DCHS2: variants seen among roughly 807,000 people sequenced by gnomAD.
The protein encoded by DCHS2 is dachsous cadherin-related 2.
DCHS2 carries 142 observed loss-of-function variants against 182.4 expected under a neutral mutation model. The observed-to-expected ratio is 0.78, with a 90% CI of 0.68 to 0.89. The LOEUF (loss-of-function observed/expected upper bound fraction) is 0.89. Ranked by LOEUF, DCHS2 falls within the 40% of genes least tolerant of loss-of-function variation. The pLI is 0.00. For missense variants in DCHS2, 4,319 were observed against 4,198.6 expected, an observed-to-expected ratio of 1.03 and a Z score of -0.79; for synonymous variants, 1,740 against 1,663.3, an observed-to-expected ratio of 1.05 and a Z score of -1.12.
chr4:154,453,804 T>G (rs1352610877), intron 1 of DCHS2, among the ~76,000 whole-genome samples: 1 of 152,212 alleles, frequency 6.6e-6, no homozygotes, highest in Non-Finnish European at 1.5e-5. Flanking sequence ...AATTCCATCA[T>G]GGAGGCTGAA....
chr4:154,386,583 C>T (rs1457721351), intron 1 of DCHS2, among the ~76,000 whole-genome samples: 1 of 152,004 alleles, frequency 6.6e-6, no homozygotes, highest in African/African-American at 2.4e-5. Context: ...TTGATAATAA[C>T]ATGTCTTCCC....
At chr4:154,373,809 G>T in intron 2 of DCHS2, 1 of 821,856 alleles carries the variant, frequency 1.2e-6, no homozygotes, top group Non-Finnish European at 2.0e-6. Context: ...CAGCCAAGAT[G>T]GAGAAGGTGT....
Position 154,420,994 on chromosome 4 carries a change from A to G in DCHS2, c.2053-43550T>C, listed in dbSNP as rs79405251. Among the ~76,000 whole-genome samples, 1,278 of 152,248 alleles carry G rather than the reference A, an allele frequency of 8.4e-3. 9 individuals carry two copies. Among genetic ancestry groups the G allele is most frequent in the Non-Finnish European group, 0.014 (979 of 68,010 alleles). On this transcript the variant is annotated intron_variant, in intron 1 of 19. Coordinates refer to ENST00000357232, the MANE Select transcript of DCHS2 (RefSeq NM_001358235.2). ...TAATTACTACTACTGCATATAATAT[A>G]TACACTACCATCATTGGAAAAAAAA...
At chr4:154,248,937 A>G (rs967610121) in intron 16 of DCHS2, among the ~76,000 whole-genome samples, 1 of 152,204 alleles carries the variant, frequency 6.6e-6, no homozygotes, top group Non-Finnish European at 1.5e-5. Context: ...AAATTGACTG[A>G]AGATGAATTG....
At chr4:154,479,544 A>G (rs1735830386) in intron 1 of DCHS2, among the ~76,000 whole-genome samples, 1 of 152,354 alleles carries the variant, frequency 6.6e-6, no homozygotes. Flanking sequence ...AGAAATAATG[A>G]TAAAGTAGCC....
chr4:154,344,971 C>T (rs1729290655), intron 3 of DCHS2, among the ~76,000 whole-genome samples: 1 of 152,136 alleles, frequency 6.6e-6, no homozygotes, highest in Non-Finnish European at 1.5e-5. Context: ...GAAAATGGTG[C>T]AGTTGGTGCC....
At chr4:154,482,039 T>G (rs1220827614) in intron 1 of DCHS2, among the ~76,000 whole-genome samples, 1 of 152,168 alleles carries the variant, frequency 6.6e-6, no homozygotes, top group East Asian at 1.9e-4. Context: ...CTGGGCTGTT[T>G]AAAAGGAAAT....
chr4:154,242,723 T>C lies in DCHS2; in HGVS notation c.6991A>G (p.Thr2331Ala). Reference sequence around the variant, plus strand: ...TCAGTCACCTGTACCTTGATTACAGTCGTATTAGAAAGCCTGGGCATCCCT... The same window carrying C: ...TCAGTCACCTGTACCTTGATTACAGCCGTATTAGAAAGCCTGGGCATCCCT... Reference protein sequence around the residue: ...DKGMPRLSNTTVIKVQVTDIN... With the variant: ...DKGMPRLSNTAVIKVQVTDIN... Residue 2331 changes from threonine to alanine, a missense_variant, in exon 17 of 20, where the codon ACT becomes GCT. By Grantham distance (58) the Thr-to-Ala change is moderately conservative. Coordinates refer to ENST00000357232, the MANE Select transcript of DCHS2 (RefSeq NM_001358235.2). 1 of 1,612,892 alleles carries C rather than the reference T, an allele frequency of 6.2e-7. No individual in the cohort carries two copies. The highest frequency in any genetic ancestry group is 8.5e-7 in the Non-Finnish European group (1 of 1,179,320).
chr4:154,417,027 T>C (rs112461035), intron 1 of DCHS2, among the ~76,000 whole-genome samples: 260 of 152,244 alleles, frequency 1.7e-3, no homozygotes, highest in African/African-American at 6.1e-3. Context: ...CAAGCGGCAC[T>C]ATTTTACTAG....
chr4:154,436,839 G>A (rs1733801583), intron 1 of DCHS2, among the ~76,000 whole-genome samples: 2 of 152,204 alleles, frequency 1.3e-5, no homozygotes, highest in South Asian at 2.1e-4. Context: ...ATACACAGGG[G>A]ATTTCAAAAC....
rs190498100 is a variant in DCHS2, at chr4:154,330,063, G to A, written c.3731-353C>T. On this transcript the variant is annotated intron_variant, in intron 5 of 19. Transcript: ENST00000357232. Reference sequence around the variant, plus strand: ...CTTTATGCTGCTATACAGAATGATGGAAAGCATGTGAGCTCTGACACAGGT... The same window carrying A: ...CTTTATGCTGCTATACAGAATGATGAAAAGCATGTGAGCTCTGACACAGGT... Among the ~76,000 whole-genome samples the A allele has an allele frequency of 4.2e-3, 632 of 152,282 alleles. 3 individuals carry two copies. Among genetic ancestry groups the A allele is most frequent in the African/African-American group, 0.015 (603 of 41,556 alleles).
chr4:154,435,898 G>T (rs1472308837), intron 1 of DCHS2, among the ~76,000 whole-genome samples: 1 of 152,180 alleles, frequency 6.6e-6, no homozygotes, highest in East Asian at 1.9e-4. Context: ...CTCAGTGACA[G>T]CAAAAAGTGA....
At chr4:154,408,726 A>G (rs1010471215) in intron 1 of DCHS2, among the ~76,000 whole-genome samples, 2 of 152,198 alleles carry the variant, frequency 1.3e-5, no homozygotes, top group Non-Finnish European at 2.9e-5. Context: ...TACGACAGAC[A>G]CAAAGAAAAG....
chr4:154,453,156 G>A (rs1734607943), intron 1 of DCHS2, among the ~76,000 whole-genome samples: 1 of 151,948 alleles, frequency 6.6e-6, no homozygotes, highest in South Asian at 2.1e-4. Context: ...AAACCTGAGA[G>A]GCCCACATCC....
chr4:154,315,789 C>G lies in DCHS2; in HGVS notation c.5219G>C (p.Gly1740Ala), dbSNP rs1358328949. 6.2e-7 allele frequency: 1 copy of G among 1,613,854 alleles called. No homozygotes were observed. Among genetic ancestry groups the G allele is most frequent in the Non-Finnish European group, 8.5e-7 (1 of 1,179,966 alleles). ...EASVKENQNP[G>A]EFVTRVEALD... is the part of the protein sequence containing the mutation. ...AGCTTCAACCCTGGTAACAAACTCC[C>G]CTGGATTTTGGTTTTCTTTCACTGA... is the stretch of plus-strand genomic sequence containing the variant. Residue 1740 changes from glycine (G) to alanine (A), a missense_variant, in exon 10 of 20, where the codon GGG (glycine) becomes GCG (alanine). Gly to Ala is a moderately conservative substitution (Grantham distance 60). Transcript: ENST00000357232.
rs868062044 is a variant in DCHS2 at position 154,234,844 on chromosome 4, C to A, written c.9808G>T (p.Glu3270Ter). Residue 3270 changes from glutamate (E) to a stop codon, truncating the protein, a stop_gained, in exon 20 of 20, where the codon GAG (glutamate) becomes TAG (stop). Transcript: ENST00000357232. LOFTEE classifies it low-confidence loss of function (END_TRUNC). ...GGTGGAAAAACAAAAGATTTCTTCT[C>A]TTTTGGAATGCCAGGCATATGCAAA... ...EHLHMPGIPK[E>*]KKSFVFPPPL... The A allele has an allele frequency of 3.7e-6, 6 of 1,614,040 alleles. No homozygotes were observed. The South Asian group carries it at 6.6e-5, about 18-fold the overall frequency.
At chr4:154,416,290 G>C (rs923093992) in intron 1 of DCHS2, among the ~76,000 whole-genome samples, 1 of 152,196 alleles carries the variant, frequency 6.6e-6, no homozygotes, top group African/African-American at 2.4e-5. Flanking sequence ...GAGCACAGCT[G>C]CATCAGCCCC....
At chr4:154,362,870 T>A (rs1004521456) in intron 3 of DCHS2, among the ~76,000 whole-genome samples, 1 of 152,184 alleles carries the variant, frequency 6.6e-6, no homozygotes, top group African/African-American at 2.4e-5. Context: ...TCTAGCTAAC[T>A]TTATTGTAAG....
At chr4:154,387,490 A>G (rs1731474141) in intron 1 of DCHS2, among the ~76,000 whole-genome samples, 1 of 152,200 alleles carries the variant, frequency 6.6e-6, no homozygotes, top group Admixed American at 6.5e-5. Flanking sequence ...TTGGCAAAGT[A>G]CATGAGGAAA....
Sources: allele counts gnomAD v4.1 joint callset (sites outside exome capture counted in the v4.1 genomes callset), GRCh38; gene constraint gnomAD v4.1.1; transcripts MANE v1.5; gene names NCBI Gene and HGNC (gene_info 2026-07-23, HGNC 2026-07-21).